Variants in DIP2A observed in about 807,000 individuals in gnomAD.
DIP2A encodes the protein disco-interacting protein 2 homolog A.
Under a neutral mutation model 177.4 loss-of-function variants are expected in DIP2A, and 85 were observed. That is an observed-to-expected ratio of 0.48 (90% CI 0.40 to 0.57). The LOEUF is 0.57. DIP2A is among the 20% of genes least tolerant of loss of function. DIP2A has a pLI of 0.00. For missense variants in DIP2A, 1,791 were observed against 2,100.2 expected, an observed-to-expected ratio of 0.85 and a Z score of 2.88; for synonymous variants, 886 against 881.8, an observed-to-expected ratio of 1.00 and a Z score of -0.08.
chr21:46,495,511 G>T (rs575436728), intron 3 of DIP2A, among the ~76,000 whole-genome samples: 11 of 151,702 alleles, frequency 7.3e-5, no homozygotes, highest in Non-Finnish European at 1.5e-4. Flanking sequence ...CAGGGGATCC[G>T]CTCACCTCGG....
At chr21:46,512,452 G>C (rs1239947773) in intron 8 of DIP2A, among the ~76,000 whole-genome samples, 1 of 152,122 alleles carries the variant, frequency 6.6e-6, no homozygotes, top group Non-Finnish European at 1.5e-5. Context: ...TTTCTCACCA[G>C]CTTTTGATAT....
At chr21:46,543,355 G>A (rs926914972) in intron 18 of DIP2A, among the ~76,000 whole-genome samples, 17 of 152,192 alleles carry the variant, frequency 1.1e-4, no homozygotes, top group South Asian at 2.1e-4. Flanking sequence ...GTAGTTGTGC[G>A]CGTTTTATTT....
chr21:46,503,571 T>TTCCTTC (rs2057778973), intron 5 of DIP2A, among the ~76,000 whole-genome samples: 14 of 83,746 alleles, frequency 1.7e-4, no homozygotes, highest in East Asian at 4.0e-4. Flanking sequence ...TGAGGGAATT[T>TTCCTTC]CTTCCTTCCT....
Position 46,565,771 on chromosome 21 carries a change from C to G in DIP2A, c.4223C>G (p.Ala1408Gly), listed in dbSNP as rs532677856. ...TACTACACCGTTTACGGGGAGGAGGCGCTTCATGCCGACCACTTCAGTGCC... is the reference window on the plus strand; with the variant it reads ...TACTACACCGTTTACGGGGAGGAGGGGCTTCATGCCGACCACTTCAGTGCC... ...TGYYTVYGEE[A>G]LHADHFSARL... Residue 1408 changes from alanine (A) to glycine (G), a missense_variant, in exon 36 of 38, where the codon GCG (alanine) becomes GGG (glycine). By Grantham distance (60) the Ala-to-Gly change is moderately conservative (BLOSUM62 0). Coordinates refer to ENST00000417564, the MANE Select transcript of DIP2A (RefSeq NM_015151.4). The G allele has an allele frequency of 6.2e-7, 1 of 1,613,950 alleles. No homozygotes were observed. Among genetic ancestry groups the G allele is most frequent in the Non-Finnish European group, 8.5e-7 (1 of 1,179,894 alleles).
At chr21:46,550,923 C>T (rs1055172785) in intron 23 of DIP2A, among the ~76,000 whole-genome samples, 179 bp downstream of exon 23, 7 of 152,248 alleles carry the variant, frequency 4.6e-5, no homozygotes, top group African/African-American at 1.7e-4. Flanking sequence ...TTCCTGGAAC[C>T]AGCCACGCAT....
In DIP2A at chr21:46,566,540, T is replaced by TAAAC. The variant is rs781279093; in HGVS notation, c.4340-18_4340-15dup. ...CATGCCTTGGCTTTCTGGGCACGTG[T>TAAAC]AAACACACACTGTTCACAGGGCGGC... On this transcript the variant is annotated intron_variant, in intron 36 of 37. Transcript: ENST00000417564. 6.2e-7 allele frequency: 1 copy of TAAAC among 1,613,988 alleles called. No homozygotes were observed. The highest frequency in any genetic ancestry group is 8.5e-7 in the Non-Finnish European group (1 of 1,179,866).
intron 32 of DIP2A, among the ~76,000 whole-genome samples, chr21:46,559,421 A>T (rs2060591067): frequency 6.6e-6 from 1 of 152,212 alleles, no homozygotes; most frequent in African/African-American, 2.4e-5. Context: ...TCCCCATCAC[A>T]GTGGCAGTGC....
intron 1 of DIP2A, among the ~76,000 whole-genome samples, chr21:46,473,622 TCTC>T (rs2055593731): frequency 1.3e-5 from 2 of 152,092 alleles, no homozygotes; most frequent in African/African-American, 4.8e-5. Context: ...TTCAAGAAAT[TCTC>T]CTGCCTCAGC....
intron 1 of DIP2A, among the ~76,000 whole-genome samples, chr21:46,470,827 G>A (rs1308600298): frequency 6.6e-6 from 1 of 150,982 alleles, no homozygotes; most frequent in African/African-American, 2.4e-5. Context: ...TACTCAGGAG[G>A]CTGAGGCAGG....
chr21:46,561,609 G>A, intron 33 of DIP2A, 139 bp from the exon 34 acceptor site: 5 of 1,132,296 alleles, frequency 4.4e-6, no homozygotes, highest in Non-Finnish European at 5.3e-6. Flanking sequence ...TTCATGGCAG[G>A]TGTGCTGTGG....
intron 1 of DIP2A, 92 bp from the exon 2 acceptor site, chr21:46,484,665 T>C: frequency 9.3e-7 from 1 of 1,071,560 alleles, no homozygotes; most frequent in Non-Finnish European, 1.3e-6. Flanking sequence ...AGGACATCAG[T>C]GTTTCCAGTT....
intron 1 of DIP2A, among the ~76,000 whole-genome samples, chr21:46,478,654 T>C (rs903597248): frequency 2.6e-5 from 4 of 152,358 alleles, no homozygotes; most frequent in African/African-American, 9.6e-5. Flanking sequence ...AATGTTTTTA[T>C]AATGTTGTTA....
At chr21:46,465,580 C>T (rs2054749637) in intron 1 of DIP2A, among the ~76,000 whole-genome samples, 1 of 151,968 alleles carries the variant, frequency 6.6e-6, no homozygotes, top group Non-Finnish European at 1.5e-5. Flanking sequence ...TACTGATGGT[C>T]CAAAAGCAGT....
At chr21:46,471,146 G>A (rs1021297946) in intron 1 of DIP2A, among the ~76,000 whole-genome samples, 4 of 151,948 alleles carry the variant, frequency 2.6e-5, no homozygotes, top group Admixed American at 2.6e-4. Flanking sequence ...GCTATCCTCC[G>A]CTTTAGCCTC....
chr21:46,536,143 T>G (rs1387082030), intron 13 of DIP2A, among the ~76,000 whole-genome samples: 1 of 152,262 alleles, frequency 6.6e-6, no homozygotes, highest in Non-Finnish European at 1.5e-5. Flanking sequence ...AAAGGGTGTT[T>G]ATAGTACTGT....
chr21:46,550,789 T>C (rs1368056168), intron 23 of DIP2A, 45 bp downstream of exon 23: 5 of 1,591,286 alleles, frequency 3.1e-6, no homozygotes, highest in African/African-American at 1.3e-5. Flanking sequence ...CTAACAGTGG[T>C]AACAGCGGTG....
intron 22 of DIP2A, 47 bp downstream of exon 22, chr21:46,549,932 G>T: frequency 6.2e-7 from 1 of 1,603,154 alleles, no homozygotes; most frequent in East Asian, 2.2e-5. Context: ...TCCCAAGCTG[G>T]CACCCCCACT....
At chr21:46,573,645 C>CAAAAAAAAAAAAAAAA (rs201994694), downstream of DIP2A, among the ~76,000 whole-genome samples, 27 of 52,974 alleles carry the variant, frequency 5.1e-4, 1 homozygote, top group Non-Finnish European at 7.5e-4. Flanking sequence ...CCCTCTCTCA[C>CAAAAAAAAAAAAAAAA]AAAAAAAAAA....
intron 1 of DIP2A, 105 bp downstream of exon 1, chr21:46,459,327 C>T (rs1601258612): frequency 8.5e-6 from 8 of 935,850 alleles, no homozygotes; most frequent in East Asian, 6.6e-5. Flanking sequence ...CCAGGACCCC[C>T]GCCCTTCACC....
Sources: gnomAD v4.1 joint callset for allele counts (sites outside exome capture counted in the v4.1 genomes callset) on GRCh38, gnomAD v4.1.1 for gene constraint, MANE v1.5 for transcripts, NCBI Gene and HGNC (gene_info 2026-07-23, HGNC 2026-07-21) for gene names.